RBFOX3: variants seen among roughly 807,000 people sequenced by gnomAD.
The protein encoded by RBFOX3 is RNA binding fox-1 homolog 3.
A neutral mutation model predicts 48.7 loss-of-function variants in RBFOX3; 17 were observed. The observed-to-expected ratio is 0.35, with a 90% confidence interval of 0.24 to 0.52. The LOEUF (loss-of-function observed/expected upper bound fraction) is 0.52, where lower values mean the gene tolerates loss of function less well. Ranked by LOEUF, RBFOX3 falls within the 20% of genes least tolerant of loss-of-function variation. The pLI is 0.94. For missense variants in RBFOX3, 382 were observed against 497.5 expected, an observed-to-expected ratio of 0.77 and a Z score of 2.21; for synonymous variants, 212 against 209.5, an observed-to-expected ratio of 1.01 and a Z score of -0.10.
At chr17:79,098,684 AG>A (rs1256590341) in intron 9 of RBFOX3, 1 of 152,324 alleles carries the variant, frequency 6.6e-6, no homozygotes, top group Non-Finnish European at 1.5e-5. Context: ...GCTGCCTTGC[AG>A]TGGGCTCCGG....
chr17:79,570,262 C>T (rs1399789896), intron 1 of RBFOX3, among the ~76,000 whole-genome samples: 10 of 128,392 alleles, frequency 7.8e-5, no homozygotes, highest in East Asian at 4.8e-4. Context: ...GAATTACGGA[C>T]AGATGGTGAA....
chr17:79,339,032 A>G (rs904221256), intron 2 of RBFOX3, among the ~76,000 whole-genome samples: 4 of 151,680 alleles, frequency 2.6e-5, no homozygotes, highest in African/African-American at 7.3e-5. Flanking sequence ...CTATTTACCA[A>G]GTTGTGCAGG....
chr17:79,312,490 G>A (rs1046901657), intron 2 of RBFOX3, among the ~76,000 whole-genome samples: 24 of 152,034 alleles, frequency 1.6e-4, no homozygotes, highest in Admixed American at 3.3e-4. Flanking sequence ...TCTGCCAGGC[G>A]CTGTCCTGTG....
chr17:79,548,750 C>T lies in RBFOX3; in HGVS notation c.-320+62076G>A, dbSNP rs140565648. ...AGGGGTGTGCGTGTCCTTGGGCATG[C>T]GTTGCATGTACTGCTGTAGCCCCAG... On this transcript the variant is annotated intron_variant, in intron 1 of 14. Transcript: ENST00000693108. Among the ~76,000 whole-genome samples, 446 of 152,338 alleles carry T rather than the reference C, an allele frequency of 2.9e-3. 4 individuals carry two copies. The highest frequency in any genetic ancestry group is 0.029 in the South Asian group (140 of 4,830).
intron 4 of RBFOX3, among the ~76,000 whole-genome samples, chr17:79,200,891 C>A (rs980480699): frequency 1.3e-5 from 2 of 152,166 alleles, no homozygotes; most frequent in East Asian, 1.9e-4. Context: ...CTTTCACCCC[C>A]TCCTGCGTCC....
At chr17:79,435,792 A>T (rs1392421132) in intron 2 of RBFOX3, among the ~76,000 whole-genome samples, 1 of 152,194 alleles carries the variant, frequency 6.6e-6, no homozygotes, top group African/African-American at 2.4e-5. Context: ...TGGCTTATCC[A>T]CAACAGCCTT....
chr17:79,567,392 C>T (rs2092504793), intron 1 of RBFOX3, among the ~76,000 whole-genome samples: 1 of 151,930 alleles, frequency 6.6e-6, no homozygotes, highest in Non-Finnish European at 1.5e-5. Context: ...ACCATGTTGG[C>T]CAGGCTGATC....
intron 1 of RBFOX3, among the ~76,000 whole-genome samples, chr17:79,520,727 G>T (rs1185537620): frequency 2.6e-5 from 4 of 152,210 alleles, no homozygotes; most frequent in African/African-American, 9.6e-5. Context: ...CACAAGGGTG[G>T]GGTTCGTGTT....
At chr17:79,320,572 C>G in intron 2 of RBFOX3, among the ~76,000 whole-genome samples, 1 of 152,216 alleles carries the variant, frequency 6.6e-6, no homozygotes, top group Admixed American at 6.5e-5. Context: ...CATATCTAAC[C>G]AGCTCTACTG....
chr17:79,642,746 C>A, the RBFOX3 span, among the ~76,000 whole-genome samples: 1 of 152,088 alleles, frequency 6.6e-6, no homozygotes, highest in Admixed American at 6.5e-5. Flanking sequence ...TACAAATGCA[C>A]GAGAAACAGA....
intron 1 of RBFOX3, among the ~76,000 whole-genome samples, chr17:79,610,231 A>C (rs1022083453): frequency 1.3e-5 from 2 of 151,942 alleles, no homozygotes; most frequent in Non-Finnish European, 2.9e-5. Context: ...TCAACCTCTC[A>C]GCGACCCTCC....
intron 4 of RBFOX3, among the ~76,000 whole-genome samples, chr17:79,166,256 C>CT (rs1328744837): frequency 6.6e-6 from 1 of 152,050 alleles, no homozygotes; most frequent in Non-Finnish European, 1.5e-5. Context: ...TCCTGCACCC[C>CT]CCAGCGCAGC....
chr17:79,177,733 G>C (rs564962024), intron 4 of RBFOX3, among the ~76,000 whole-genome samples: 1 of 152,198 alleles, frequency 6.6e-6, no homozygotes, highest in Admixed American at 6.5e-5. Flanking sequence ...GATTTTACTA[G>C]TAGTTCCTGG....
At chr17:79,539,835 G>C (rs1169398345) in intron 1 of RBFOX3, among the ~76,000 whole-genome samples, 1 of 152,200 alleles carries the variant, frequency 6.6e-6, no homozygotes, top group Non-Finnish European at 1.5e-5. Context: ...TAGATTTAGG[G>C]AATAAGAACA....
intron 4 of RBFOX3, among the ~76,000 whole-genome samples, chr17:79,138,878 ACG>A: frequency 1.1e-5 from 1 of 92,684 alleles, no homozygotes. Context: ...TCACCCACAC[ACG>A]CAGGCATACA....
chr17:79,493,424 G>A (rs1000875807), intron 1 of RBFOX3, among the ~76,000 whole-genome samples: 9 of 152,096 alleles, frequency 5.9e-5, no homozygotes, highest in East Asian at 1.9e-4. Context: ...GCAGGACCCC[G>A]GCTTCCCAGG....
At chr17:79,251,562 C>T (rs1272752376) in intron 3 of RBFOX3, among the ~76,000 whole-genome samples, 1 of 152,186 alleles carries the variant, frequency 6.6e-6, no homozygotes, top group East Asian at 1.9e-4. Flanking sequence ...TTCCTTAACA[C>T]CTTCTGTACC....
At chr17:79,620,931 G>A in the RBFOX3 span, among the ~76,000 whole-genome samples, 10 of 151,872 alleles carry the variant, frequency 6.6e-5, no homozygotes, top group Admixed American at 2.0e-4. Context: ...TTTCTTCTAC[G>A]CCGTTCCTGG....
intron 4 of RBFOX3, among the ~76,000 whole-genome samples, chr17:79,147,318 C>T (rs949473825): frequency 2.0e-5 from 3 of 152,236 alleles, no homozygotes; most frequent in African/African-American, 4.8e-5. Context: ...ACCAGCCCTA[C>T]GCAGCCCATT....
Sources: gnomAD v4.1 joint callset for allele counts (sites outside exome capture counted in the v4.1 genomes callset) on GRCh38, gnomAD v4.1.1 for gene constraint, MANE v1.5 for transcripts, NCBI Gene and HGNC (gene_info 2026-07-23, HGNC 2026-07-21) for gene names.